ZNF804B: variants seen among roughly 807,000 people sequenced by gnomAD.
ZNF804B encodes the protein zinc finger 804B.
Under a neutral mutation model 101.4 loss-of-function variants are expected in ZNF804B, and 80 were observed. The ratio of observed to expected loss-of-function variants is 0.79; its 90% CI spans 0.66 to 0.95. ZNF804B has a LOEUF of 0.95. ZNF804B is among the 40% of genes least tolerant of loss of function. The pLI is 0.00. For missense variants in ZNF804B, 1,673 were observed against 1,561.9 expected (o/e 1.07, Z -1.20); for synonymous variants, 622 against 558.8 (o/e 1.11, Z -1.59).
chr7:89,222,040 G>C (rs959217754), intron 2 of ZNF804B, among the ~76,000 whole-genome samples: 1 of 151,932 alleles, frequency 6.6e-6, no homozygotes, highest in African/African-American at 2.4e-5. Flanking sequence ...ACTGATTCCA[G>C]AAAGAAGAGA....
At chr7:89,141,738 CTTT>C (rs1408813782) in intron 1 of ZNF804B, among the ~76,000 whole-genome samples, 3 of 151,780 alleles carry the variant, frequency 2.0e-5, no homozygotes, top group African/African-American at 7.3e-5. Context: ...CTGTTTTTCT[CTTT>C]TTAAGTAAAG....
chr7:88,792,571 T>G (rs1562794630), intron 1 of ZNF804B, among the ~76,000 whole-genome samples: 1 of 152,122 alleles, frequency 6.6e-6, no homozygotes. Flanking sequence ...TATTCCTTTT[T>G]TGCTGGGAAA....
chr7:88,838,378 A>C (rs1294777168), intron 1 of ZNF804B, among the ~76,000 whole-genome samples: 1 of 151,906 alleles, frequency 6.6e-6, no homozygotes, highest in Non-Finnish European at 1.5e-5. Context: ...ACACCATTTT[A>C]TATTATTCTG....
intron 1 of ZNF804B, among the ~76,000 whole-genome samples, chr7:89,178,723 A>G (rs551118419): frequency 5.9e-5 from 9 of 152,190 alleles, no homozygotes; most frequent in African/African-American, 1.7e-4. Context: ...CGGTGTTATA[A>G]TATTCATATT....
chr7:88,833,491 AGAAGGTAGAAAGTCAG>A (rs371812430), intron 1 of ZNF804B, among the ~76,000 whole-genome samples: 125 of 152,022 alleles, frequency 8.2e-4, no homozygotes, highest in African/African-American at 2.6e-3. Flanking sequence ...ATTAAGATGA[AGAAGGTAGAAAGTCAG>A]GGACTTGGCC....
intron 2 of ZNF804B, among the ~76,000 whole-genome samples, chr7:89,278,930 A>G (rs2115861980): frequency 6.6e-6 from 1 of 152,142 alleles, no homozygotes; most frequent in Non-Finnish European, 1.5e-5. Flanking sequence ...GAATCTGTAA[A>G]TTACCTTGGG....
chr7:89,290,961 C>G (rs1034374326), intron 2 of ZNF804B, among the ~76,000 whole-genome samples: 2 of 152,082 alleles, frequency 1.3e-5, no homozygotes, highest in Non-Finnish European at 2.9e-5. Context: ...TTTGGAAGAA[C>G]ATAATGGAAG....
chr7:89,252,887 G>C lies in ZNF804B; in HGVS notation c.249+34592G>C, dbSNP rs541920767. ...ATAGACACTGGAAATACTGGGGAAG[G>C]AGGGGGACAATTTTTCAAAAACTAT... On this transcript the variant is annotated intron_variant, in intron 2 of 3. Transcript: ENST00000333190. Among the ~76,000 whole-genome samples the C allele has an allele frequency of 1.2e-4, 18 of 152,238 alleles. No individual in the cohort carries two copies. In the South Asian group the frequency reaches 3.5e-3, roughly 30 times the overall value.
At chr7:88,911,008 G>A (rs547030360) in intron 1 of ZNF804B, among the ~76,000 whole-genome samples, 73 of 152,114 alleles carry the variant, frequency 4.8e-4, no homozygotes, top group Non-Finnish European at 8.0e-4. Flanking sequence ...TAGGAAATAA[G>A]AGGGTGGTCA....
At chr7:89,224,775 C>T (rs1452312906) in intron 2 of ZNF804B, among the ~76,000 whole-genome samples, 1 of 146,612 alleles carries the variant, frequency 6.8e-6, no homozygotes, top group Non-Finnish European at 1.5e-5. Flanking sequence ...TGTGTGTATC[C>T]TGGAATCACC....
At chr7:89,043,984 C>A (rs972875339) in intron 1 of ZNF804B, among the ~76,000 whole-genome samples, 1 of 152,132 alleles carries the variant, frequency 6.6e-6, no homozygotes, top group South Asian at 2.1e-4. Context: ...GAATACTATT[C>A]ACCCATAGAA....
chr7:88,828,299 A>G (rs1043518272), intron 1 of ZNF804B, among the ~76,000 whole-genome samples: 1 of 152,158 alleles, frequency 6.6e-6, no homozygotes, highest in Admixed American at 6.6e-5. Context: ...CATTTCTATC[A>G]CACCAGAAAT....
At chr7:89,009,236 T>A (rs1788415942) in intron 1 of ZNF804B, among the ~76,000 whole-genome samples, 1 of 152,146 alleles carries the variant, frequency 6.6e-6, no homozygotes, top group Admixed American at 6.6e-5. Flanking sequence ...ATCACTTTCT[T>A]AATCTATTTA....
intron 1 of ZNF804B, among the ~76,000 whole-genome samples, chr7:89,136,765 G>GTGCA (rs139028653): frequency 1.0e-5 from 1 of 99,132 alleles, no homozygotes; most frequent in East Asian, 2.9e-4. Context: ...GTGTGTGTGT[G>GTGCA]CGCGCACGTG....
chr7:88,910,461 T>C (rs928345881), intron 1 of ZNF804B, among the ~76,000 whole-genome samples: 76 of 152,078 alleles, frequency 5.0e-4, no homozygotes, highest in African/African-American at 1.7e-3. Context: ...CTTAATTCTA[T>C]GAACCGTTGT....
intron 1 of ZNF804B, among the ~76,000 whole-genome samples, chr7:88,944,535 G>C (rs943786109): frequency 6.6e-6 from 1 of 151,106 alleles, no homozygotes; most frequent in Admixed American, 6.6e-5. Context: ...TCTGCATCTG[G>C]AGATTTAACC....
intron 2 of ZNF804B, among the ~76,000 whole-genome samples, chr7:89,256,408 G>A (rs1435073993): frequency 1.3e-5 from 2 of 152,154 alleles, no homozygotes; most frequent in African/African-American, 4.8e-5. Context: ...AGCTGGGCAT[G>A]CTGGTATGTG....
rs374489310 is a variant in ZNF804B at position 89,282,115 on chromosome 7, G to A, written c.250-45229G>A. Among the ~76,000 whole-genome samples, 52 of 151,230 alleles carry A rather than the reference G, an allele frequency of 3.4e-4. 1 individual carries two copies. The highest frequency in any genetic ancestry group is 1.1e-3 in the African/African-American group (44 of 41,216). Reference sequence around the variant, plus strand: ...ACTTGGGAGGCTGAGGCAGGAGAATGGTGTGAACCTGGGAGGCGGAGCTTG... The same window carrying A: ...ACTTGGGAGGCTGAGGCAGGAGAATAGTGTGAACCTGGGAGGCGGAGCTTG... On this transcript the variant is annotated intron_variant, in intron 2 of 3. Coordinates refer to ENST00000333190, the MANE Select transcript of ZNF804B (RefSeq NM_181646.5).
intron 2 of ZNF804B, among the ~76,000 whole-genome samples, chr7:89,309,720 A>G (rs1174254374): frequency 7.5e-6 from 1 of 133,522 alleles, no homozygotes; most frequent in African/African-American, 2.8e-5. Flanking sequence ...AGATTGTGCC[A>G]CTGCACTCCA....
Sources: allele counts gnomAD v4.1 joint callset (sites outside exome capture counted in the v4.1 genomes callset), GRCh38; gene constraint gnomAD v4.1.1; transcripts MANE v1.5; gene names NCBI Gene and HGNC (gene_info 2026-07-23, HGNC 2026-07-21).